PCDH11X: variants seen among roughly 807,000 people sequenced by gnomAD.
The protein encoded by PCDH11X is protocadherin-11 X-linked.
In PCDH11X, 18 loss-of-function variants were observed where a neutral mutation model predicts 53.3. That is an observed-to-expected ratio of 0.34 (90% CI 0.23 to 0.50). PCDH11X has a LOEUF of 0.50. Among genes scored for constraint, PCDH11X ranks in the 20% least tolerant of loss-of-function variants. The probability of loss-of-function intolerance (pLI) is 0.98; values close to 1 mark genes in which losing one functional copy is unlikely to be tolerated. For synonymous variants in PCDH11X, 279 were observed against 393.3 expected, an observed-to-expected ratio of 0.71 and a Z score of 3.44; for missense variants, 570 against 1,032.4, an observed-to-expected ratio of 0.55 and a Z score of 6.14.
At chrX:92,562,517 CT>C (rs888120242) in intron 10 of PCDH11X, among the ~76,000 whole-genome samples, 19 of 101,167 alleles carry the variant, frequency 1.9e-4, no homozygotes, top group African/African-American at 5.4e-4. Context: ...CCTGAAAAAG[CT>C]TTTTTTTTTC....
intron 9 of PCDH11X, among the ~76,000 whole-genome samples, chrX:92,415,860 T>C (rs1159333575): frequency 9.0e-6 from 1 of 111,674 alleles, no homozygotes; most frequent in Non-Finnish European, 1.9e-5. Context: ...AAATAAAATA[T>C]TGGCATTCTA....
At chrX:91,947,305 T>A (rs917584249) in intron 6 of PCDH11X, among the ~76,000 whole-genome samples, 1 of 108,927 alleles carries the variant, frequency 9.2e-6, no homozygotes, top group Non-Finnish European at 1.9e-5. Context: ...TACAAAAAGC[T>A]GTAGGTAAGA....
intron 5 of PCDH11X, among the ~76,000 whole-genome samples, chrX:91,838,123 TC>T (rs1025636078): frequency 7.1e-5 from 8 of 111,998 alleles, no homozygotes; most frequent in Non-Finnish European, 1.5e-4. Context: ...AATAATTTTG[TC>T]GTGTCTCCCT....
chrX:92,343,103 A>C (rs2069804737), intron 8 of PCDH11X, among the ~76,000 whole-genome samples: 1 of 112,055 alleles, frequency 8.9e-6, no homozygotes, highest in Admixed American at 9.5e-5. Flanking sequence ...CCATTATTTG[A>C]AACTCAAATA....
chrX:92,604,218 C>T (rs1175742275), intron 10 of PCDH11X, among the ~76,000 whole-genome samples: 1 of 109,376 alleles, frequency 9.1e-6, no homozygotes, highest in Non-Finnish European at 1.9e-5. Context: ...ATGTACTACT[C>T]CCCTTTTATC....
chrX:92,338,140 T>G (rs1433759051), intron 8 of PCDH11X, among the ~76,000 whole-genome samples: 2 of 112,030 alleles, frequency 1.8e-5, no homozygotes, highest in Non-Finnish European at 3.8e-5. Context: ...TCTGTTCTCA[T>G]GTTTAAATCA....
chrX:92,133,579 T>G (rs865797326), intron 6 of PCDH11X, among the ~76,000 whole-genome samples: 44 of 111,971 alleles, frequency 3.9e-4, no homozygotes, highest in African/African-American at 1.4e-3. Flanking sequence ...TTGGTCAGGT[T>G]GGTCTTGAAC....
intron 10 of PCDH11X, among the ~76,000 whole-genome samples, chrX:92,561,840 A>G (rs2075135637): frequency 9.4e-6 from 1 of 106,209 alleles, no homozygotes; most frequent in South Asian, 4.5e-4. Flanking sequence ...CCCAAAGAAG[A>G]CTATGTCTAG....
chrX:92,274,271 C>T (rs368420043), intron 8 of PCDH11X, among the ~76,000 whole-genome samples: 2,442 of 106,015 alleles, frequency 0.023, 152 homozygotes, highest in East Asian at 0.12. Flanking sequence ...TGGTGAGGTG[C>T]GTTTTTAAAA....
intron 9 of PCDH11X, among the ~76,000 whole-genome samples, chrX:92,446,649 G>A (rs758744316): frequency 5.4e-5 from 6 of 111,549 alleles, no homozygotes; most frequent in East Asian, 5.7e-4. Context: ...ATCCTTTCCC[G>A]TATAAATTAC....
Position 92,565,567 on chromosome X carries a change from C to T in PCDH11X, c.3368-52697C>T, listed in dbSNP as rs1185607619. Among the ~76,000 whole-genome samples, 4 of 84,719 alleles carry T rather than the reference C, an allele frequency of 4.7e-5. No individual in the cohort carries two copies. The East Asian group carries it at 1.3e-3, about 27-fold the overall frequency. 73.6% of individuals were successfully genotyped at this position (84,719 alleles called of 115,157 possible). A position where few individuals can be genotyped will look rare whatever the true frequency, so the allele number is the denominator to read the frequency against. On this transcript the variant is annotated intron_variant, in intron 10 of 10. Transcript: ENST00000682573. ...CAAATATTGCACATTCTCATTTATTCGTGCAATCTAAAAGTCAAAACAATT... is the reference window on the plus strand; with the variant it reads ...CAAATATTGCACATTCTCATTTATTTGTGCAATCTAAAAGTCAAAACAATT...
rs769878742 is a variant in PCDH11X, at chrX:92,066,667, A to AT, written c.3034-134701dup. On this transcript the variant is annotated intron_variant, in intron 6 of 10. Coordinates refer to ENST00000682573, the MANE Select transcript of PCDH11X (RefSeq NM_032968.5). ...CTGTTCGCATATAGAAATACTTCTG[A>AT]TTTTTTTGTCTTAATTTTGTATCCT... Among the ~76,000 whole-genome samples the AT allele has an allele frequency of 4.0e-4, 45 of 111,403 alleles. No homozygotes were observed. In the South Asian group the frequency reaches 0.017, roughly 41 times the overall value.
At chrX:92,564,667 A>G in intron 10 of PCDH11X, among the ~76,000 whole-genome samples, 1 of 111,951 alleles carries the variant, frequency 8.9e-6, no homozygotes, top group Non-Finnish European at 1.9e-5. Flanking sequence ...TAAAATTACT[A>G]GAAGAAAATA....
Position 91,878,107 on chromosome X carries a change from G to C in PCDH11X, c.1867G>C (p.Gly623Arg), listed in dbSNP as rs1939710496. Residue 623 changes from glycine to arginine, a missense_variant, in exon 6 of 11, where the codon GGT becomes CGT. Gly to Arg is a moderately radical substitution (Grantham distance 125). Transcript: ENST00000682573. ...TGACTTCACCATTGATTCACAAACT[G>C]GTGTCATCCGACCAAATATTTCATT... Reference protein sequence around the residue: ...NDDFTIDSQTGVIRPNISFDR... With the variant: ...NDDFTIDSQTRVIRPNISFDR... 8.3e-7 allele frequency: 1 copy of C among 1,199,132 alleles called. No homozygotes were observed.
At chrX:92,461,407 A>G (rs1328393280) in intron 9 of PCDH11X, among the ~76,000 whole-genome samples, 1 of 110,612 alleles carries the variant, frequency 9.0e-6, no homozygotes, top group Non-Finnish European at 1.9e-5. Context: ...AAATTCACAT[A>G]CCTACAGTGA....
chrX:92,544,715 A>G (rs1004818072), intron 10 of PCDH11X, among the ~76,000 whole-genome samples: 83 of 110,058 alleles, frequency 7.5e-4, no homozygotes, highest in African/African-American at 2.0e-3. Flanking sequence ...ATAAAATCAG[A>G]TATTCTCAGG....
chrX:92,142,230 C>T (rs1323598361), intron 6 of PCDH11X, among the ~76,000 whole-genome samples: 31 of 107,359 alleles, frequency 2.9e-4, no homozygotes, highest in Non-Finnish European at 4.6e-4. Flanking sequence ...AATCTCGGCT[C>T]ACTGCAACCT....
chrX:92,051,136 G>A (rs771590447), intron 6 of PCDH11X, among the ~76,000 whole-genome samples: 17 of 111,632 alleles, frequency 1.5e-4, no homozygotes, highest in Non-Finnish European at 2.1e-4. Context: ...AATATAGTTC[G>A]AAAGCACTAT....
intron 8 of PCDH11X, among the ~76,000 whole-genome samples, chrX:92,268,327 C>T (rs1278075701): frequency 9.1e-6 from 1 of 109,436 alleles, no homozygotes; most frequent in African/African-American, 3.3e-5. Flanking sequence ...GAGTCTCACT[C>T]TGTCACCAAG....
Sources: allele counts gnomAD v4.1 joint callset (sites outside exome capture counted in the v4.1 genomes callset), GRCh38; gene constraint gnomAD v4.1.1; transcripts MANE v1.5; gene names NCBI Gene and HGNC (gene_info 2026-07-23, HGNC 2026-07-21).